The following NCOA2 variants were observed in gnomAD, a reference collection of about 807,000 sequenced individuals.
NCOA2 encodes nuclear receptor coactivator 2.
Under a neutral mutation model 145.1 loss-of-function variants are expected in NCOA2, and 21 were observed. The observed-to-expected ratio is 0.14, with a 90% CI of 0.10 to 0.21. The LOEUF is 0.21. Among genes scored for constraint, NCOA2 ranks in the 10% least tolerant of loss-of-function variants. The pLI, the probability that NCOA2 is intolerant of heterozygous loss-of-function variation, is 1.00. For synonymous variants in NCOA2, 619 were observed against 637.5 expected, an observed-to-expected ratio of 0.97 and a Z score of 0.44; for missense variants, 1,472 against 1,837.6, an observed-to-expected ratio of 0.80 and a Z score of 3.64.
At chr8:70,379,654 AG>A (rs1227301740) in intron 1 of NCOA2, among the ~76,000 whole-genome samples, 1 of 152,192 alleles carries the variant, frequency 6.6e-6, no homozygotes, top group East Asian at 1.9e-4. Flanking sequence ...AAGAGAAAAA[AG>A]TCATCTTTTT....
chr8:70,298,656 T>G (rs1165245944), intron 1 of NCOA2, among the ~76,000 whole-genome samples: 2 of 152,216 alleles, frequency 1.3e-5, no homozygotes, highest in Non-Finnish European at 2.9e-5. Flanking sequence ...CTGAAACTTG[T>G]GATATTAGTA....
At chr8:70,321,085 G>A (rs1043966338) in intron 1 of NCOA2, among the ~76,000 whole-genome samples, 6 of 152,070 alleles carry the variant, frequency 3.9e-5, no homozygotes, top group African/African-American at 1.4e-4. Flanking sequence ...TTAACTTTCT[G>A]AGCTCCAAAT....
chr8:70,373,352 C>CT (rs1811382536), intron 1 of NCOA2, among the ~76,000 whole-genome samples: 2 of 152,102 alleles, frequency 1.3e-5, no homozygotes, highest in South Asian at 4.1e-4. Context: ...ATATCTTTTC[C>CT]TGTACTTTCA....
chr8:70,451,237 A>AATATATATATAT, the NCOA2 span, among the ~76,000 whole-genome samples: 3 of 69,508 alleles, frequency 4.3e-5, no homozygotes, highest in African/African-American at 1.5e-4. Context: ...AAAAAAAAAA[A>AATATATATATAT]ATATATATAT....
At chr8:70,163,414 T>C (rs947563133) in intron 8 of NCOA2, 51 bp downstream of exon 8, 17 of 1,344,894 alleles carry the variant, frequency 1.3e-5, no homozygotes, top group Non-Finnish European at 1.3e-5. Flanking sequence ...TTCCCAAATA[T>C]GTAAGTATTC....
chr8:70,363,180 G>A lies in NCOA2; in HGVS notation c.-77+40520C>T, dbSNP rs564274933. On this transcript the variant is annotated intron_variant, in intron 1 of 22. Coordinates refer to ENST00000452400, the MANE Select transcript of NCOA2 (RefSeq NM_006540.4). ...GGGTGGATCACGAGGTCAGGAGATC[G>A]AGACCATCCTGGCTAACACAGTGAA... 6.5e-4 allele frequency among the ~76,000 whole-genome samples: 98 copies of A among 150,954 alleles called. 1 individual carries two copies. Among genetic ancestry groups the A allele is most frequent in the African/African-American group, 2.3e-3 (96 of 41,092 alleles).
intron 1 of NCOA2, among the ~76,000 whole-genome samples, chr8:70,364,350 A>G (rs12056650): frequency 0.055 from 8,317 of 152,294 alleles, 304 homozygotes; most frequent in East Asian, 0.16. Flanking sequence ...TGTATGCAAA[A>G]AGCATTAAAA....
chr8:70,367,381 T>C (rs544411734), intron 1 of NCOA2, among the ~76,000 whole-genome samples: 9 of 152,334 alleles, frequency 5.9e-5, no homozygotes, highest in Admixed American at 2.6e-4. Context: ...GTGGGAATAA[T>C]AGTATTAAGT....
intron 1 of NCOA2, among the ~76,000 whole-genome samples, chr8:70,319,450 G>A (rs1279633379): frequency 2.0e-5 from 3 of 152,038 alleles, no homozygotes; most frequent in Admixed American, 2.0e-4. Context: ...GCTGAGGTGG[G>A]AGGATCACCT....
In NCOA2 at chr8:70,151,292, C is replaced by CT. The variant is rs148583371; in HGVS notation, c.2395-2810dup. 6.7e-3 allele frequency among the ~76,000 whole-genome samples: 975 copies of CT among 144,764 alleles called. 7 individuals carry two copies. Among genetic ancestry groups the CT allele is most frequent in the African/African-American group, 0.018 (716 of 39,684 alleles). 95.0% of individuals were successfully genotyped at this position (144,764 alleles called of 152,430 possible). A position where few individuals can be genotyped will look rare whatever the true frequency, so the allele number is the denominator to read the frequency against. Reference sequence around the variant, plus strand: ...AGAACAGTCTAGACTCACACTTTTCCTTTTTTTTTTTTGGAGACAAGGTCT... The same window carrying CT: ...AGAACAGTCTAGACTCACACTTTTCCTTTTTTTTTTTTTGGAGACAAGGTCT... On this transcript the variant is annotated intron_variant, in intron 11 of 22. Coordinates refer to ENST00000452400, the MANE Select transcript of NCOA2 (RefSeq NM_006540.4).
rs1015844657 is a variant in NCOA2, at chr8:70,267,597, A to G, written c.-20+29147T>C. ...TTTTTTATTTTTTATTTTTTTGTAG[A>G]GATGGGGTTTCGCCATGTTACCCAG... On this transcript the variant is annotated intron_variant, in intron 2 of 22. Coordinates refer to ENST00000452400, the MANE Select transcript of NCOA2 (RefSeq NM_006540.4). 8.6e-5 allele frequency among the ~76,000 whole-genome samples: 13 copies of G among 151,718 alleles called. No individual in the cohort carries two copies. In the East Asian group the frequency reaches 2.3e-3, roughly 27 times the overall value.
chr8:70,421,555 C>T, the NCOA2 span, among the ~76,000 whole-genome samples: 1 of 152,008 alleles, frequency 6.6e-6, no homozygotes, highest in Non-Finnish European at 1.5e-5. Context: ...GAGATCCTGT[C>T]TCAAACAACA....
At chr8:70,408,929 A>G in the NCOA2 span, among the ~76,000 whole-genome samples, 1 of 151,976 alleles carries the variant, frequency 6.6e-6, no homozygotes, top group Non-Finnish European at 1.5e-5. Flanking sequence ...GCCAGACCAA[A>G]ACATTAAATT....
At chr8:70,231,781 C>T (rs1821156363) in intron 2 of NCOA2, among the ~76,000 whole-genome samples, 1 of 152,100 alleles carries the variant, frequency 6.6e-6, no homozygotes, top group Admixed American at 6.5e-5. Flanking sequence ...ACAAAGATGC[C>T]CTTATATAGA....
intron 1 of NCOA2, among the ~76,000 whole-genome samples, chr8:70,297,364 C>T (rs568192509): frequency 8.5e-5 from 13 of 152,308 alleles, no homozygotes; most frequent in African/African-American, 2.4e-4. Flanking sequence ...GACAAAATTT[C>T]GTTCTGCTAC....
At chr8:70,398,132 T>G (rs1333156225) in intron 1 of NCOA2, among the ~76,000 whole-genome samples, 1 of 152,000 alleles carries the variant, frequency 6.6e-6, no homozygotes, top group Non-Finnish European at 1.5e-5. Flanking sequence ...AATAGTAAAG[T>G]CAGACAAGAA....
chr8:70,269,322 G>A (rs1277216829), intron 2 of NCOA2, among the ~76,000 whole-genome samples: 1 of 152,078 alleles, frequency 6.6e-6, no homozygotes. Context: ...AAAGAATAGT[G>A]ATGGAGGGCC....
chr8:70,236,376 T>C (rs1821606057), intron 2 of NCOA2, among the ~76,000 whole-genome samples: 3 of 152,150 alleles, frequency 2.0e-5, no homozygotes, highest in African/African-American at 7.2e-5. Flanking sequence ...CATACCTCTG[T>C]CTCCAGGTTC....
chr8:70,260,823 T>C (rs1824051616), intron 2 of NCOA2, among the ~76,000 whole-genome samples: 1 of 152,210 alleles, frequency 6.6e-6, no homozygotes, highest in Non-Finnish European at 1.5e-5. Flanking sequence ...AAAGAAGACA[T>C]TTATGCAGCC....
Sources: gnomAD v4.1 joint callset for allele counts (sites outside exome capture counted in the v4.1 genomes callset) on GRCh38, gnomAD v4.1.1 for gene constraint, MANE v1.5 for transcripts, NCBI Gene and HGNC (gene_info 2026-07-23, HGNC 2026-07-21) for gene names.